Variants in PROM1 observed in about 807,000 individuals in gnomAD.
PROM1 encodes the protein prominin 1.
In PROM1, 105 loss-of-function variants were observed where a neutral mutation model predicts 116.9. That is an observed-to-expected ratio of 0.90 (90% confidence interval 0.77 to 1.06). The LOEUF is 1.06. PROM1 is among the 50% of genes least tolerant of loss of function. The probability of loss-of-function intolerance (pLI) is 0.00; values close to 1 mark genes in which losing one functional copy is unlikely to be tolerated. For synonymous variants in PROM1, 393 were observed against 387.0 expected (o/e 1.02, Z -0.18); for missense variants, 1,122 against 1,045.2 (o/e 1.07, Z -1.01).
intron 22 of PROM1, chr4:15,985,518 A>G: frequency 2.1e-6 from 1 of 467,584 alleles, no homozygotes; most frequent in Non-Finnish European, 3.7e-6. Context: ...TACCTGAAAA[A>G]GGGGGTGGGA....
intron 12 of PROM1, among the ~76,000 whole-genome samples, chr4:16,007,017 C>A (rs867795872): frequency 2.4e-4 from 37 of 152,318 alleles, no homozygotes; most frequent in African/African-American, 7.2e-4. Context: ...TTCTCCAAGG[C>A]TACTGATGAA....
At chr4:15,972,419 A>C (rs1404532177) in intron 26 of PROM1, among the ~76,000 whole-genome samples, 1 of 152,206 alleles carries the variant, frequency 6.6e-6, no homozygotes, top group African/African-American at 2.4e-5. Flanking sequence ...AAATGAGTGC[A>C]AGAGACAGAC....
chr4:16,004,868 T>TTC (rs1560460615), intron 13 of PROM1, among the ~76,000 whole-genome samples: 1 of 128,204 alleles, frequency 7.8e-6, no homozygotes, highest in African/African-American at 3.0e-5. Context: ...TTCCTCTCTC[T>TTC]CTCCCTCTCT....
intron 18 of PROM1, among the ~76,000 whole-genome samples, 166 bp downstream of exon 18, chr4:15,991,056 A>G (rs1031089159): frequency 6.6e-6 from 1 of 152,216 alleles, no homozygotes; most frequent in East Asian, 1.9e-4. Flanking sequence ...TTTGGGACAC[A>G]TGGCAATGGC....
At chr4:15,971,840 T>C (rs1428492421) in intron 26 of PROM1, 1 of 152,298 alleles carries the variant, frequency 6.6e-6, no homozygotes, top group East Asian at 1.9e-4. Flanking sequence ...ACATTCCTTC[T>C]AAAGTTTTTC....
In PROM1 at chr4:16,025,237, A is replaced by C. The variant is rs1190746994; in HGVS notation, c.585T>G (p.Asp195Glu). The change falls in exon 6 of 28, where the codon GAT becomes GAG. Residue 195 changes from aspartate (D) to glutamate (E), a missense_variant. Asp to Glu is a conservative substitution (Grantham distance 45). Transcript: ENST00000447510. ...GAGTTCGCAAGTCCTTGAAATTGCT[A>C]TCTGCCAGTTTCCGACTCCTTTTGA... ...TRIKRSRKLA[D>E]SNFKDLRTLL... 6.2e-7 allele frequency: 1 copy of C among 1,613,830 alleles called. No individual in the cohort carries two copies. The highest frequency in any genetic ancestry group is 1.3e-5 in the African/African-American group (1 of 74,932).
At position 15,979,481 on chromosome 4, in the gene PROM1, A is replaced by G. The variant is rs1199534555; in HGVS notation, c.2514-18T>C. 1 of 1,596,966 alleles carries G rather than the reference A, an allele frequency of 6.3e-7. No individual in the cohort carries two copies. The highest frequency in any genetic ancestry group is 2.2e-5 in the East Asian group (1 of 44,512). On this transcript the variant is annotated intron_variant, in intron 25 of 27. Transcript: ENST00000447510. ...TTTCCATACTGTAACAGAAATAAAT[A>G]CACCAAAAACACCATGTTATCTCTA...
intron 23 of PROM1, 28 bp downstream of exon 23, chr4:15,984,235 T>C: frequency 6.7e-7 from 1 of 1,492,202 alleles, no homozygotes; most frequent in Non-Finnish European, 9.3e-7. Context: ...GGATTCATTG[T>C]GTCTTCTTTT....
At chr4:16,005,124 A>C (rs1725071390) in intron 13 of PROM1, among the ~76,000 whole-genome samples, 1 of 151,696 alleles carries the variant, frequency 6.6e-6, no homozygotes, top group Admixed American at 6.6e-5. Context: ...CATCATGCCC[A>C]GCTAATTTTT....
At chr4:15,973,765 C>T (rs1418785162) in intron 26 of PROM1, among the ~76,000 whole-genome samples, 2 of 152,086 alleles carry the variant, frequency 1.3e-5, no homozygotes, top group Non-Finnish European at 2.9e-5. Flanking sequence ...TTTCTTTGCC[C>T]ACCTGCCTTT....
At chr4:16,025,453 C>T (rs992958307) in intron 5 of PROM1, 141 bp from the exon 6 acceptor site, 1 of 1,063,122 alleles carries the variant, frequency 9.4e-7, no homozygotes. Context: ...TCTCCTCCCA[C>T]ATCCTTCCCA....
intron 18 of PROM1, 45 bp from the exon 19 acceptor site, chr4:15,989,869 C>A (rs1342159898): frequency 6.2e-6 from 9 of 1,446,316 alleles, no homozygotes; most frequent in Non-Finnish European, 8.6e-6. Flanking sequence ...TCTTTCCAGA[C>A]TCAAAGCACT....
In PROM1 at chr4:15,997,945, G is replaced by C. The variant is rs189380558; in HGVS notation, c.1682+440C>G. 2.6e-5 allele frequency among the ~76,000 whole-genome samples: 4 copies of C among 152,320 alleles called. No homozygotes were observed. In the East Asian group the frequency reaches 7.7e-4, roughly 29 times the overall value. On this transcript the variant is annotated intron_variant, in intron 15 of 27. Transcript: ENST00000447510. ...CCCAGGGCACAGAGCCTCCAGGAGG[G>C]GGCCGGGGTCAGAGCCCAGGAGTCC... is the stretch of plus-strand genomic sequence containing the variant.
chr4:16,057,408 C>T (rs1739301025), intron 2 of PROM1, among the ~76,000 whole-genome samples: 1 of 152,254 alleles, frequency 6.6e-6, no homozygotes, highest in African/African-American at 2.4e-5. Context: ...CAGATTGAAA[C>T]ATTTCAAATC....
chr4:16,039,434 A>T (rs1734668112), intron 2 of PROM1, among the ~76,000 whole-genome samples: 1 of 152,124 alleles, frequency 6.6e-6, no homozygotes, highest in Non-Finnish European at 1.5e-5. Context: ...GGATGAAAGG[A>T]ATCTTAAAAT....
chr4:16,076,074 C>T lies in PROM1; in HGVS notation c.-168G>A, dbSNP rs180926533. On this transcript the variant is annotated 5_prime_UTR_variant, in exon 2 of 28. Transcript: ENST00000447510. ...TGAGGCTGGCTTGAGGCGAGGGATG[C>T]GGAAGAATGTTCTCCAAGGGGGTCA... The T allele has an allele frequency of 6.2e-4, 834 of 1,351,190 alleles. No individual in the cohort carries two copies. The highest frequency in any genetic ancestry group is 8.3e-4 in the South Asian group (50 of 60,162). 83.7% of individuals were successfully genotyped at this position (1,351,190 alleles called of 1,614,324 possible). A position where few individuals can be genotyped will look rare whatever the true frequency, so the allele number is the denominator to read the frequency against.
chr4:15,975,066 G>A (rs372339815), intron 26 of PROM1, among the ~76,000 whole-genome samples: 1 of 152,144 alleles, frequency 6.6e-6, no homozygotes, highest in African/African-American at 2.4e-5. Flanking sequence ...TCACCTTTGG[G>A]TTCCTTCCAT....
intron 13 of PROM1, among the ~76,000 whole-genome samples, chr4:16,002,460 G>T (rs1240177050): frequency 1.3e-5 from 2 of 152,214 alleles, no homozygotes; most frequent in African/African-American, 2.4e-5. Flanking sequence ...AGGAGCCTCA[G>T]AAGGGTGTGG....
At chr4:16,049,450 T>C (rs749306005) in intron 2 of PROM1, among the ~76,000 whole-genome samples, 8 of 152,204 alleles carry the variant, frequency 5.3e-5, no homozygotes, top group Non-Finnish European at 1.2e-4. Flanking sequence ...GTAAATTTGT[T>C]TTAATTAAAT....
Sources: allele counts gnomAD v4.1 joint callset (sites outside exome capture counted in the v4.1 genomes callset), GRCh38; gene constraint gnomAD v4.1.1; transcripts MANE v1.5; gene names NCBI Gene and HGNC (gene_info 2026-07-23, HGNC 2026-07-21).